The following CACNA2D1 variants were observed in gnomAD, a reference collection of about 807,000 sequenced individuals.
The protein encoded by CACNA2D1 is calcium voltage-gated channel auxiliary subunit alpha2delta 1.
A neutral mutation model predicts 171.5 loss-of-function variants in CACNA2D1; 53 were observed. The ratio of observed to expected loss-of-function variants is 0.31; its 90% CI spans 0.25 to 0.39. The LOEUF (loss-of-function observed/expected upper bound fraction) is 0.39, where lower values mean the gene tolerates loss of function less well. CACNA2D1 is among the 10% of genes least tolerant of loss of function. CACNA2D1 has a pLI of 1.00. For synonymous variants in CACNA2D1, 442 were observed against 443.1 expected (o/e 1.00, Z 0.03); for missense variants, 903 against 1,299.8 (o/e 0.69, Z 4.69).
At chr7:82,256,592 A>G (rs1025687691) in intron 3 of CACNA2D1, among the ~76,000 whole-genome samples, 3 of 152,234 alleles carry the variant, frequency 2.0e-5, no homozygotes, top group Non-Finnish European at 4.4e-5. Context: ...TGTATACAGC[A>G]AAGAGAGAAA....
chr7:82,025,469 AG>A (rs1801769494), intron 12 of CACNA2D1, among the ~76,000 whole-genome samples: 2 of 151,730 alleles, frequency 1.3e-5, no homozygotes, highest in South Asian at 4.1e-4. Context: ...GTTAGAGTAT[AG>A]AAACACAACT....
intron 6 of CACNA2D1, among the ~76,000 whole-genome samples, chr7:82,089,252 A>C (rs1017047757): frequency 6.6e-5 from 10 of 152,102 alleles, no homozygotes; most frequent in African/African-American, 2.2e-4. Context: ...ATATTTTTTC[A>C]CTATAGAAGA....
At chr7:82,193,968 A>G (rs575200981) in intron 3 of CACNA2D1, among the ~76,000 whole-genome samples, 1 of 152,150 alleles carries the variant, frequency 6.6e-6, no homozygotes, top group Non-Finnish European at 1.5e-5. Context: ...AATTGCTTTC[A>G]TGGTGCACTG....
At chr7:82,070,675 G>C (rs1808218338) in intron 7 of CACNA2D1, among the ~76,000 whole-genome samples, 1 of 152,106 alleles carries the variant, frequency 6.6e-6, no homozygotes, top group Admixed American at 6.6e-5. Flanking sequence ...TTCTCTATTG[G>C]TATGAACTTG....
chr7:82,100,520 C>A (rs1273026266), intron 6 of CACNA2D1, among the ~76,000 whole-genome samples: 1 of 152,116 alleles, frequency 6.6e-6, no homozygotes, highest in Non-Finnish European at 1.5e-5. Context: ...CAACTTCCTT[C>A]TTTCAATTTG....
intron 38 of CACNA2D1, among the ~76,000 whole-genome samples, chr7:81,954,416 T>C (rs1260804991): frequency 6.6e-6 from 1 of 152,070 alleles, no homozygotes; most frequent in Non-Finnish European, 1.5e-5. Flanking sequence ...GAATTCTTTA[T>C]TCCTTTCTCA....
At chr7:82,197,736 G>A (rs1798990383) in intron 3 of CACNA2D1, among the ~76,000 whole-genome samples, 1 of 151,968 alleles carries the variant, frequency 6.6e-6, no homozygotes, top group South Asian at 2.1e-4. Context: ...AACATAATAT[G>A]CATGAAAATA....
chr7:82,010,276 A>G (rs1234344502), intron 15 of CACNA2D1, among the ~76,000 whole-genome samples: 1 of 152,100 alleles, frequency 6.6e-6, no homozygotes, highest in Non-Finnish European at 1.5e-5. Context: ...TGGAGAGATT[A>G]TAAACAAATA....
intron 10 of CACNA2D1, among the ~76,000 whole-genome samples, chr7:82,058,322 T>A (rs1281896994): frequency 6.6e-6 from 1 of 152,156 alleles, no homozygotes; most frequent in Non-Finnish European, 1.5e-5. Context: ...GAAGTCAGAA[T>A]AAGACATTCA....
intron 3 of CACNA2D1, among the ~76,000 whole-genome samples, chr7:82,221,823 C>T (rs1801806296): frequency 6.8e-6 from 1 of 148,118 alleles, no homozygotes; most frequent in South Asian, 2.1e-4. Flanking sequence ...AAAATGATTT[C>T]AAGATAAGTA....
At chr7:82,200,698 A>T (rs778332332) in intron 3 of CACNA2D1, among the ~76,000 whole-genome samples, 3 of 150,480 alleles carry the variant, frequency 2.0e-5, no homozygotes, top group Non-Finnish European at 2.9e-5. Context: ...CCCTATTTAC[A>T]AGCTCTTCCA....
Position 82,443,710 on chromosome 7 carries a change from C to G in CACNA2D1, c.-251G>C. 8.1e-7 allele frequency: 1 copy of G among 1,236,084 alleles called. No homozygotes were observed. Among genetic ancestry groups the G allele is most frequent in the Non-Finnish European group, 1.0e-6 (1 of 992,068 alleles). The allele number at this position is 1,236,084 out of a possible 1,614,324, so 76.6% of individuals were successfully genotyped here. A position where few individuals can be genotyped will look rare whatever the true frequency, so the allele number is the denominator to read the frequency against. On this transcript the variant is annotated 5_prime_UTR_variant, in exon 1 of 39. Coordinates refer to ENST00000356860, the MANE Select transcript of CACNA2D1 (RefSeq NM_000722.4). Reference sequence around the variant, plus strand: ...GCTCCGCGCCGCGGCCGCCTTGCCTCCGCCGCCATCAAGGGCGACTTTGGA... The same window carrying G: ...GCTCCGCGCCGCGGCCGCCTTGCCTGCGCCGCCATCAAGGGCGACTTTGGA...
chr7:82,418,430 A>T (rs535350502), intron 1 of CACNA2D1, among the ~76,000 whole-genome samples: 3 of 152,230 alleles, frequency 2.0e-5, no homozygotes, highest in Non-Finnish European at 4.4e-5. Flanking sequence ...TAAAGAAGTT[A>T]AATATTGTAT....
intron 3 of CACNA2D1, among the ~76,000 whole-genome samples, chr7:82,322,451 C>CAAAAAAAAAA (rs11440104): frequency 9.6e-6 from 1 of 103,908 alleles, no homozygotes; most frequent in Non-Finnish European, 1.9e-5. Flanking sequence ...CCTGGCTTTA[C>CAAAAAAAAAA]AAAAAAAAAA....
chr7:81,956,603 A>T (rs1336671818), intron 38 of CACNA2D1, among the ~76,000 whole-genome samples: 1 of 152,016 alleles, frequency 6.6e-6, no homozygotes, highest in Non-Finnish European at 1.5e-5. Flanking sequence ...TGCCATGAAA[A>T]CTATTCTTTT....
At chr7:82,095,398 G>A (rs901669700) in intron 6 of CACNA2D1, among the ~76,000 whole-genome samples, 1 of 151,948 alleles carries the variant, frequency 6.6e-6, no homozygotes, top group East Asian at 1.9e-4. Flanking sequence ...ATTATACTGG[G>A]TAGGGTAGGC....
chr7:82,189,833 A>C (rs1448344163), intron 3 of CACNA2D1, among the ~76,000 whole-genome samples: 1 of 151,932 alleles, frequency 6.6e-6, no homozygotes, highest in Non-Finnish European at 1.5e-5. Context: ...AAATAGATTA[A>C]AAATGCAAAG....
chr7:82,148,714 T>C (rs1793442243), intron 4 of CACNA2D1, among the ~76,000 whole-genome samples: 1 of 152,182 alleles, frequency 6.6e-6, no homozygotes, highest in Admixed American at 6.5e-5. Context: ...CTCGGCTCAG[T>C]GCAACCTCCG....
At position 82,443,637 on chromosome 7, in the gene CACNA2D1, C is replaced by G. The variant is rs1212854684; in HGVS notation, c.-178G>C. On this transcript the variant is annotated 5_prime_UTR_variant, in exon 1 of 39. Transcript: ENST00000356860. The stretch of plus-strand genomic sequence containing the variant: ...GGGGGACGGCAAGGGCGGGAGCGGA[C>G]GCCGAGGAAGGGGCGGTGGCGGGCG... 1 of 1,308,902 alleles carries G rather than the reference C, an allele frequency of 7.6e-7. No homozygotes were observed. Among genetic ancestry groups the G allele is most frequent in the Non-Finnish European group, 9.7e-7 (1 of 1,035,680 alleles). The allele number at this position is 1,308,902 out of a possible 1,614,324, so 81.1% of individuals were successfully genotyped here. A position where few individuals can be genotyped will look rare whatever the true frequency, so the allele number is the denominator to read the frequency against.
Sources: allele counts gnomAD v4.1 joint callset (sites outside exome capture counted in the v4.1 genomes callset), GRCh38; gene constraint gnomAD v4.1.1; transcripts MANE v1.5; gene names NCBI Gene and HGNC (gene_info 2026-07-23, HGNC 2026-07-21).